TTYH2: variants seen among roughly 807,000 people sequenced by gnomAD.
The protein encoded by TTYH2 is tweety family member 2, also known as protein tweety homolog 2.
In TTYH2, 49 loss-of-function variants were observed where a neutral mutation model predicts 68.3. The observed-to-expected ratio is 0.72, with a 90% CI of 0.57 to 0.91. TTYH2 has a LOEUF of 0.91. Ranked by LOEUF, TTYH2 falls within the 40% of genes least tolerant of loss-of-function variation. The probability of loss-of-function intolerance (pLI) is 0.00; values close to 1 mark genes in which losing one functional copy is unlikely to be tolerated. For synonymous variants in TTYH2, 272 were observed against 300.8 expected (o/e 0.90, Z 0.99); for missense variants, 631 against 700.4 (o/e 0.90, Z 1.12).
intron 13 of TTYH2, 78 bp downstream of exon 13, chr17:74,253,911 C>A: frequency 7.0e-7 from 1 of 1,436,498 alleles, no homozygotes; most frequent in Non-Finnish European, 9.8e-7. Flanking sequence ...GAATCCTGTC[C>A]ACAAAGGCAG....
rs191535354 is a variant in TTYH2 at position 74,252,108 on chromosome 17, C to T, written c.1117-126C>T. On this transcript the variant is annotated intron_variant, in intron 10 of 13. Transcript: ENST00000269346. ...ACCTTTAATGGTGCTGCAAGGCGCT[C>T]GGGATGGGGAGCAGCCAGGAGACCC... 3.8e-4 allele frequency: 482 copies of T among 1,265,416 alleles called. No homozygotes were observed. In the African/African-American group the frequency reaches 6.0e-3, roughly 16 times the overall value. 78.4% of individuals were successfully genotyped at this position (1,265,416 alleles called of 1,614,324 possible). A position where few individuals can be genotyped will look rare whatever the true frequency, so the allele number is the denominator to read the frequency against.
At chr17:74,221,155 C>G (rs1433373550) in intron 1 of TTYH2, among the ~76,000 whole-genome samples, 1 of 152,196 alleles carries the variant, frequency 6.6e-6, no homozygotes, top group Non-Finnish European at 1.5e-5. Flanking sequence ...ATCTCTCCTG[C>G]CTTTTTCTGG....
intron 11 of TTYH2, 145 bp from the exon 12 acceptor site, chr17:74,252,936 T>C (rs1203182252): frequency 1.3e-6 from 1 of 776,614 alleles, no homozygotes; most frequent in East Asian, 2.6e-5. Context: ...GGAGGCAGGC[T>C]GGGGACCGCG....
chr17:74,230,933 T>C lies in TTYH2; in HGVS notation c.348T>C (p.Asp116=). 6.2e-7 allele frequency: 1 copy of C among 1,614,190 alleles called. No individual in the cohort carries two copies. The highest frequency in any genetic ancestry group is 1.3e-5 in the African/African-American group (1 of 75,052). ...VGFYGNSETN[D]GAYQLMYSLD... is the part of the protein sequence containing the mutation. The stretch of plus-strand genomic sequence containing the variant: ...TCTATGGAAACAGCGAGACCAACGA[T>C]GGGGCGTACCAGCTGATGTACTCCT... The change falls in exon 3 of 14, where the codon GAT becomes GAC. Residue 116 remains aspartate, a synonymous_variant. Coordinates refer to ENST00000269346, the MANE Select transcript of TTYH2 (RefSeq NM_032646.6).
chr17:74,234,634 C>T (rs1404457431), intron 3 of TTYH2, among the ~76,000 whole-genome samples: 1 of 152,052 alleles, frequency 6.6e-6, no homozygotes, highest in Non-Finnish European at 1.5e-5. Context: ...ATGACAAATA[C>T]AAATACTGCC....
intron 3 of TTYH2, among the ~76,000 whole-genome samples, chr17:74,233,855 T>G (rs2050414874): frequency 6.6e-6 from 1 of 152,054 alleles, no homozygotes; most frequent in Admixed American, 6.5e-5. Context: ...CCCTCCAGGC[T>G]CTCTCATGTG....
chr17:74,221,946 A>T (rs537624537), intron 1 of TTYH2, among the ~76,000 whole-genome samples: 1 of 152,314 alleles, frequency 6.6e-6, no homozygotes, highest in African/African-American at 2.4e-5. Context: ...GATGATGCCC[A>T]GCCTGGGACA....
chr17:74,246,500 A>G (rs1038548877), intron 6 of TTYH2, among the ~76,000 whole-genome samples: 1 of 148,872 alleles, frequency 6.7e-6, no homozygotes, highest in Non-Finnish European at 1.5e-5. Flanking sequence ...CATCGTCATC[A>G]TGCTAGGGTC....
chr17:74,238,955 C>G (rs1230819833), intron 4 of TTYH2, among the ~76,000 whole-genome samples: 1 of 151,990 alleles, frequency 6.6e-6, no homozygotes, highest in Non-Finnish European at 1.5e-5. Flanking sequence ...AAGCAATCCT[C>G]CCACCTCAGC....
chr17:74,235,483 C>T (rs1474201007), intron 3 of TTYH2, among the ~76,000 whole-genome samples: 8 of 152,232 alleles, frequency 5.3e-5, no homozygotes, highest in Admixed American at 5.2e-4. Flanking sequence ...AGCTGCACCC[C>T]GGGGTTCTGC....
chr17:74,243,860 G>T, intron 5 of TTYH2, 117 bp from the exon 6 acceptor site: 1 of 945,990 alleles, frequency 1.1e-6, no homozygotes, highest in South Asian at 1.6e-5. Flanking sequence ...CCACGTCAGG[G>T]CAGGGACTGA....
rs8073592 is a variant in TTYH2 at position 74,231,722 on chromosome 17, G to A, written c.414+723G>A. On this transcript the variant is annotated intron_variant, in intron 3 of 13. Transcript: ENST00000269346. The stretch of plus-strand genomic sequence containing the variant: ...AAATTGAAGAGCCCCGTGATGTAAG[G>A]TAGTGGAGACCTGCCCCAGCTCCTC... 1.4e-4 allele frequency among the ~76,000 whole-genome samples: 22 copies of A among 152,222 alleles called. 2 individuals carry two copies. The highest frequency in any genetic ancestry group is 4.6e-4 in the African/African-American group (19 of 41,544).
At position 74,241,462 on chromosome 17, in the gene TTYH2, C is replaced by T. The variant is rs1212780310; in HGVS notation, c.636-1912C>T. 1.3e-5 allele frequency among the ~76,000 whole-genome samples: 2 copies of T among 152,136 alleles called. No homozygotes were observed. Among genetic ancestry groups the T allele is most frequent in the Non-Finnish European group, 2.9e-5 (2 of 68,016 alleles). The stretch of plus-strand genomic sequence containing the variant: ...AACCCCAGAGACCTAGTGTGTGCTG[C>T]CCCCTGCTCGTGCAGAGACAAGGAC... On this transcript the variant is annotated intron_variant, in intron 4 of 13. Coordinates refer to ENST00000269346, the MANE Select transcript of TTYH2 (RefSeq NM_032646.6). The surrounding 1 kb of genome is among the most constrained non-coding windows in gnomAD (Gnocchi z 4.1).
intron 2 of TTYH2, among the ~76,000 whole-genome samples, chr17:74,227,983 CTTTTTT>C (rs35080135): frequency 2.7e-5 from 3 of 112,558 alleles, no homozygotes; most frequent in African/African-American, 1.4e-4. Context: ...TCTTTTCTTT[CTTTTTT>C]TTTTTTTTTT....
chr17:74,250,828 C>T (rs894066816), intron 10 of TTYH2: 5 of 154,476 alleles, frequency 3.2e-5, no homozygotes, highest in African/African-American at 1.2e-4. Context: ...CAGTGTATGG[C>T]GACAGCTTTC....
intron 4 of TTYH2, 146 bp from the exon 5 acceptor site, chr17:74,243,228 G>C: frequency 3.0e-6 from 2 of 674,748 alleles, no homozygotes; most frequent in Admixed American, 4.8e-5. Context: ...TTCAGCCCAC[G>C]CATGCTGGGT....
chr17:74,254,436 G>T (rs2050672686), intron 13 of TTYH2, among the ~76,000 whole-genome samples: 1 of 152,168 alleles, frequency 6.6e-6, no homozygotes, highest in African/African-American at 2.4e-5. Context: ...CCAAAGTGCT[G>T]GGATTACAGG....
intron 10 of TTYH2, 33 bp downstream of exon 10, chr17:74,250,390 G>A (rs758168455): frequency 1.3e-6 from 2 of 1,577,452 alleles, no homozygotes; most frequent in South Asian, 2.3e-5. Flanking sequence ...CGTGGAGAGT[G>A]TGAGGGCACC....
At position 74,222,751 on chromosome 17, in the gene TTYH2, C is replaced by A. The variant is rs1019395028; in HGVS notation, c.302+94C>A. The A allele has an allele frequency of 1.5e-6, 2 of 1,367,578 alleles. No individual in the cohort carries two copies. The highest frequency in any genetic ancestry group is 5.4e-5 in the Admixed American group (2 of 37,118). 84.7% of individuals were successfully genotyped at this position (1,367,578 alleles called of 1,614,324 possible). ...CATGTTCTGACGGAGCTCCAGCTAC[C>A]TTGATGGAAAAGCTTGTCCCCAGAT... On this transcript the variant is annotated intron_variant, in intron 2 of 13. Coordinates refer to ENST00000269346, the MANE Select transcript of TTYH2 (RefSeq NM_032646.6). The surrounding 1 kb of genome is among the most constrained non-coding windows in gnomAD (Gnocchi z 5.2).
Sources: allele counts gnomAD v4.1 joint callset (sites outside exome capture counted in the v4.1 genomes callset), GRCh38; gene constraint gnomAD v4.1.1; non-coding constraint Gnocchi (gnomAD v3.1); transcripts MANE v1.5; gene names NCBI Gene and HGNC (gene_info 2026-07-23, HGNC 2026-07-21).